The following TOX variants were observed in gnomAD, a reference collection of about 807,000 sequenced individuals.
TOX encodes thymocyte selection associated high mobility group box.
A neutral mutation model predicts 53.7 loss-of-function variants in TOX; 11 were observed. That is an observed-to-expected ratio of 0.20 (90% confidence interval 0.13 to 0.34). The LOEUF is 0.34. Ranked by LOEUF, TOX falls within the 10% of genes least tolerant of loss-of-function variation. The probability of loss-of-function intolerance (pLI) is 1.00; values close to 1 mark genes in which losing one functional copy is unlikely to be tolerated. For synonymous variants in TOX, 225 were observed against 245.3 expected (o/e 0.92, Z 0.77); for missense variants, 570 against 664.6 (o/e 0.86, Z 1.56).
chr8:58,890,661 T>C (rs1196628779), intron 3 of TOX, among the ~76,000 whole-genome samples: 4 of 152,070 alleles, frequency 2.6e-5, no homozygotes, highest in African/African-American at 9.7e-5. Flanking sequence ...CGTGGATGCA[T>C]AGATAACGTT....
At chr8:58,815,757 G>C (rs372008356) in intron 6 of TOX, 33 bp from the exon 7 acceptor site, 27 of 1,567,268 alleles carry the variant, frequency 1.7e-5, no homozygotes, top group African/African-American at 4.1e-5. Flanking sequence ...GAGTTGGGAG[G>C]CTGATACATG....
chr8:58,922,178 C>G (rs558450986), intron 3 of TOX, among the ~76,000 whole-genome samples: 1 of 148,904 alleles, frequency 6.7e-6, no homozygotes, highest in Non-Finnish European at 1.5e-5. Flanking sequence ...AAGCCAGTAT[C>G]CCTGGTGCCT....
intron 1 of TOX, among the ~76,000 whole-genome samples, chr8:59,006,703 C>G (rs1303597474): frequency 1.3e-5 from 2 of 152,138 alleles, no homozygotes; most frequent in African/African-American, 4.8e-5. Context: ...AAGATAATAT[C>G]TAACTTTGGC....
At chr8:59,043,588 T>C (rs965726134) in intron 1 of TOX, among the ~76,000 whole-genome samples, 3 of 152,290 alleles carry the variant, frequency 2.0e-5, no homozygotes, top group African/African-American at 7.2e-5. Context: ...AGGTGTTCCA[T>C]AGTGTTTCAA....
chr8:59,057,850 T>C (rs1356239399), intron 1 of TOX, among the ~76,000 whole-genome samples: 1 of 152,038 alleles, frequency 6.6e-6, no homozygotes, highest in Non-Finnish European at 1.5e-5. Context: ...GTTTTTTGTT[T>C]TTTGGAGTTT....
intron 1 of TOX, among the ~76,000 whole-genome samples, chr8:59,079,683 A>C (rs1351651181): frequency 6.6e-6 from 1 of 152,242 alleles, no homozygotes; most frequent in Non-Finnish European, 1.5e-5. Flanking sequence ...TGTAGGGGTG[A>C]AGCCCCAACA....
intron 3 of TOX, among the ~76,000 whole-genome samples, chr8:58,874,510 C>T (rs984626142): frequency 5.9e-5 from 9 of 152,000 alleles, no homozygotes; most frequent in East Asian, 5.8e-4. Context: ...GAGCCAAGGA[C>T]AAGAATCATG....
rs188530101 is a variant in TOX at position 59,066,912 on chromosome 8, A to G, written c.102+51974T>C. On this transcript the variant is annotated intron_variant, in intron 1 of 8. Coordinates refer to ENST00000361421, the MANE Select transcript of TOX (RefSeq NM_014729.3). Reference sequence around the variant, plus strand: ...CAAAACCTGTTAAAAATAATGCACCACATTTCATAGGATGGAACCCAGACT... The same window carrying G: ...CAAAACCTGTTAAAAATAATGCACCGCATTTCATAGGATGGAACCCAGACT... Among the ~76,000 whole-genome samples the G allele has an allele frequency of 4.0e-3, 610 of 152,322 alleles. 4 individuals carry two copies. Among genetic ancestry groups the G allele is most frequent in the Middle Eastern group, 6.8e-3 (2 of 294 alleles).
intron 3 of TOX, among the ~76,000 whole-genome samples, chr8:58,907,699 T>A (rs1036265612): frequency 2.0e-5 from 3 of 152,284 alleles, no homozygotes; most frequent in Middle Eastern, 3.4e-3. Context: ...GGACCCCACA[T>A]CCGCCCTCCT....
chr8:59,047,693 C>T lies in TOX; in HGVS notation c.102+71193G>A, dbSNP rs568946275. 2.0e-5 allele frequency among the ~76,000 whole-genome samples: 3 copies of T among 152,156 alleles called. No individual in the cohort carries two copies. The South Asian group carries it at 6.2e-4, about 32-fold the overall frequency. ...GCCTCAAGCCATCCTTCACCCTCAG[C>T]CTCCCTAGTAGCTGGGACTACAGGA... On this transcript the variant is annotated intron_variant, in intron 1 of 8. Transcript: ENST00000361421.
intron 1 of TOX, among the ~76,000 whole-genome samples, chr8:59,028,236 G>C (rs972552193): frequency 6.6e-6 from 1 of 151,884 alleles, no homozygotes; most frequent in Non-Finnish European, 1.5e-5. Context: ...CAATAAGAAC[G>C]AACTTTTTTT....
intron 3 of TOX, among the ~76,000 whole-genome samples, chr8:58,862,557 C>T (rs1287091378): frequency 6.6e-6 from 1 of 151,980 alleles, no homozygotes; most frequent in East Asian, 1.9e-4. Context: ...GGTTAAAAAC[C>T]TATTAAATGT....
intron 1 of TOX, among the ~76,000 whole-genome samples, chr8:59,040,101 G>A (rs554599573): frequency 1.3e-5 from 2 of 152,134 alleles, no homozygotes; most frequent in South Asian, 2.1e-4. Context: ...AGGCCGAGGC[G>A]GGCGGATCAC....
At chr8:58,925,441 AAAGCAGGAGGCCAAGGAAGTGGAG>A (rs1232892180) in intron 3 of TOX, among the ~76,000 whole-genome samples, 1 of 152,252 alleles carries the variant, frequency 6.6e-6, no homozygotes, top group Non-Finnish European at 1.5e-5. Context: ...CTGTTGTGAT[AAAGCAGGAGGCCAAGGAAGTGGAG>A]AATCTATAAC....
intron 6 of TOX, among the ~76,000 whole-genome samples, chr8:58,826,090 T>C (rs1810360200): frequency 6.6e-6 from 1 of 152,184 alleles, no homozygotes; most frequent in East Asian, 1.9e-4. Context: ...AGAGTTACAA[T>C]GAGTCTGGAT....
At chr8:58,810,295 T>C (rs1030924214) in intron 7 of TOX, among the ~76,000 whole-genome samples, 1 of 152,092 alleles carries the variant, frequency 6.6e-6, no homozygotes, top group African/African-American at 2.4e-5. Flanking sequence ...TGAGCCATTG[T>C]AGCCAGCTGC....
chr8:59,065,183 T>C (rs1804064673), intron 1 of TOX, among the ~76,000 whole-genome samples: 1 of 152,192 alleles, frequency 6.6e-6, no homozygotes, highest in Non-Finnish European at 1.5e-5. Context: ...CTCATTTTAA[T>C]TAAATTACAT....
chr8:58,827,126 C>G (rs1371045154), intron 5 of TOX, among the ~76,000 whole-genome samples: 2 of 151,990 alleles, frequency 1.3e-5, no homozygotes, highest in African/African-American at 4.8e-5. Flanking sequence ...AAACTTTACA[C>G]TTTTACATAA....
intron 1 of TOX, among the ~76,000 whole-genome samples, chr8:59,106,529 G>T (rs563197371): frequency 6.6e-6 from 1 of 152,214 alleles, no homozygotes; most frequent in South Asian, 2.1e-4. Context: ...CTTAAGAAAT[G>T]AATAACAAAT....
Sources: gnomAD v4.1 joint callset for allele counts (sites outside exome capture counted in the v4.1 genomes callset) on GRCh38, gnomAD v4.1.1 for gene constraint, MANE v1.5 for transcripts, NCBI Gene and HGNC (gene_info 2026-07-23, HGNC 2026-07-21) for gene names.